MACROD2: variants seen among roughly 807,000 people sequenced by gnomAD.
MACROD2 encodes the protein ADP-ribose glycohydrolase MACROD2.
In MACROD2, 36 loss-of-function variants were observed where a neutral mutation model predicts 70.4. That is an observed-to-expected ratio of 0.51 (90% CI 0.39 to 0.68). MACROD2 has a LOEUF of 0.68. Among genes scored for constraint, MACROD2 ranks in the 30% least tolerant of loss-of-function variants. The pLI, the probability that MACROD2 is intolerant of heterozygous loss-of-function variation, is 0.00. For missense variants in MACROD2, 496 were observed against 538.4 expected, an observed-to-expected ratio of 0.92 and a Z score of 0.78; for synonymous variants, 172 against 178.8, an observed-to-expected ratio of 0.96 and a Z score of 0.30.
intron 3 of MACROD2, among the ~76,000 whole-genome samples, chr20:14,450,416 A>C (rs1373547577): frequency 6.6e-6 from 1 of 152,100 alleles, no homozygotes; most frequent in Non-Finnish European, 1.5e-5. Context: ...ATTAATGAGG[A>C]GAGAGAAAAG....
At chr20:15,643,154 CCT>C (rs1351959120) in intron 8 of MACROD2, among the ~76,000 whole-genome samples, 1 of 152,068 alleles carries the variant, frequency 6.6e-6, no homozygotes, top group Non-Finnish European at 1.5e-5. Context: ...TTTATGGGTA[CCT>C]CTTCCACCAG....
At chr20:15,507,339 C>A (rs543586324) in intron 8 of MACROD2, among the ~76,000 whole-genome samples, 4 of 151,212 alleles carry the variant, frequency 2.6e-5, no homozygotes, top group African/African-American at 9.7e-5. Flanking sequence ...TCTCCCAATT[C>A]CCTCCTCCCT....
chr20:15,271,829 G>A (rs772290677), intron 6 of MACROD2, among the ~76,000 whole-genome samples: 6 of 152,146 alleles, frequency 3.9e-5, no homozygotes, highest in Non-Finnish European at 7.3e-5. Context: ...AATAGTTAAG[G>A]CACCGTGCTA....
At chr20:15,294,120 T>TA (rs10644931) in intron 6 of MACROD2, among the ~76,000 whole-genome samples, 26,716 of 118,246 alleles carry the variant, frequency 0.23, 3,121 homozygotes, top group African/African-American at 0.32. Flanking sequence ...AAACTCTGTC[T>TA]AAAAAAAAAA....
intron 3 of MACROD2, among the ~76,000 whole-genome samples, chr20:14,273,474 C>A (rs1206890542): frequency 1.3e-5 from 2 of 148,406 alleles, no homozygotes; most frequent in African/African-American, 5.0e-5. Context: ...ATACCAGAAT[C>A]TCTGGGACAC....
intron 6 of MACROD2, among the ~76,000 whole-genome samples, chr20:15,321,428 C>T (rs2077872912): frequency 1.4e-5 from 2 of 144,220 alleles, no homozygotes; most frequent in African/African-American, 5.0e-5. Flanking sequence ...ATTTCCACTT[C>T]CCAGTCATAT....
chr20:15,430,756 C>A (rs1269357382), intron 6 of MACROD2, among the ~76,000 whole-genome samples: 2 of 151,906 alleles, frequency 1.3e-5, no homozygotes, highest in South Asian at 2.1e-4. Context: ...ATGTAGCACA[C>A]AATTTACATA....
In MACROD2 at chr20:14,757,951, T is replaced by C. The variant is rs189502052; in HGVS notation, c.418+72992T>C. 2.2e-4 allele frequency: 216 copies of C among 969,478 alleles called. 1 individual carries two copies. The highest frequency in any genetic ancestry group is 1.7e-3 in the African/African-American group (105 of 62,382). The allele number at this position is 969,478 out of a possible 1,614,324, so 60.1% of individuals were successfully genotyped here. A position where few individuals can be genotyped will look rare whatever the true frequency, so the allele number is the denominator to read the frequency against. On this transcript the variant is annotated intron_variant, in intron 5 of 17. Transcript: ENST00000684519. ...ACAGAGATACCTACAGACGGAGTGCTGTGCCCCCTGGTGCCGACAAGAAAG... is the reference window on the plus strand; with the variant it reads ...ACAGAGATACCTACAGACGGAGTGCCGTGCCCCCTGGTGCCGACAAGAAAG...
intron 5 of MACROD2, among the ~76,000 whole-genome samples, chr20:15,166,165 G>A (rs2076382421): frequency 6.6e-6 from 1 of 152,162 alleles, no homozygotes; most frequent in Admixed American, 6.6e-5. Flanking sequence ...AGATTGGTTG[G>A]ACAACCCTGT....
intron 4 of MACROD2, among the ~76,000 whole-genome samples, chr20:14,601,049 A>G (rs1175789983): frequency 6.6e-6 from 1 of 152,132 alleles, no homozygotes; most frequent in African/African-American, 2.4e-5. Flanking sequence ...CCCGGTTCTC[A>G]TCTGTAAACA....
chr20:15,987,656 A>T (rs111549336), intron 15 of MACROD2, among the ~76,000 whole-genome samples: 9 of 152,254 alleles, frequency 5.9e-5, no homozygotes, highest in Admixed American at 2.6e-4. Context: ...ATACTGTTTT[A>T]AAAAAAGTGA....
intron 12 of MACROD2, among the ~76,000 whole-genome samples, chr20:15,952,182 A>G (rs1021345879): frequency 3.3e-5 from 5 of 152,294 alleles, no homozygotes; most frequent in African/African-American, 1.2e-4. Flanking sequence ...CCCCAGCCAT[A>G]TGGAACTGTA....
chr20:15,181,157 C>CGTGT (rs2076497907), intron 5 of MACROD2, among the ~76,000 whole-genome samples: 5 of 152,188 alleles, frequency 3.3e-5, no homozygotes, highest in Non-Finnish European at 5.9e-5. Context: ...TCCATATCTA[C>CGTGT]AGGTTTCACA....
At chr20:14,696,313 C>G (rs2071125839) in intron 5 of MACROD2, among the ~76,000 whole-genome samples, 1 of 152,020 alleles carries the variant, frequency 6.6e-6, no homozygotes, top group Non-Finnish European at 1.5e-5. Flanking sequence ...TACTCCTTGA[C>G]CATGCTCTAG....
intron 17 of MACROD2, among the ~76,000 whole-genome samples, chr20:16,046,933 C>T (rs866526276): frequency 3.3e-5 from 5 of 152,104 alleles, no homozygotes; most frequent in Middle Eastern, 3.4e-3. Flanking sequence ...CTACTTGCCT[C>T]GGCCTCCCAA....
chr20:15,798,796 G>C (rs960844552), intron 8 of MACROD2, among the ~76,000 whole-genome samples: 8 of 152,204 alleles, frequency 5.3e-5, no homozygotes, highest in African/African-American at 1.9e-4. Context: ...AGGTCTATCA[G>C]AGCATGATAT....
At chr20:15,323,922 CA>C (rs1172814848) in intron 6 of MACROD2, among the ~76,000 whole-genome samples, 2 of 152,058 alleles carry the variant, frequency 1.3e-5, no homozygotes, top group African/African-American at 4.8e-5. Context: ...AGGCCCTTTC[CA>C]GTTCATCCCC....
rs554815440 is a variant in MACROD2, at chr20:15,827,486, G to A, written c.646-35259G>A. ...ACCCACCTGATGTTCTTTGAAATAA[G>A]ATGAAAATTGCAAGAAGTTTCTTCA... On this transcript the variant is annotated intron_variant, in intron 8 of 17. Coordinates refer to ENST00000684519, the MANE Select transcript of MACROD2 (RefSeq NM_001351661.2). 2.0e-4 allele frequency among the ~76,000 whole-genome samples: 31 copies of A among 152,234 alleles called. 1 individual carries two copies. The South Asian group carries it at 6.0e-3, about 30-fold the overall frequency.
intron 8 of MACROD2, among the ~76,000 whole-genome samples, chr20:15,561,605 C>T (rs556872110): frequency 6.5e-4 from 99 of 151,802 alleles, no homozygotes; most frequent in Non-Finnish European, 1.3e-3. Flanking sequence ...TCGTGAAAAT[C>T]AATTTTTTTT....
Sources: allele counts gnomAD v4.1 joint callset (sites outside exome capture counted in the v4.1 genomes callset), GRCh38; gene constraint gnomAD v4.1.1; transcripts MANE v1.5; gene names NCBI Gene and HGNC (gene_info 2026-07-23, HGNC 2026-07-21).